NELL1: variants seen among roughly 807,000 people sequenced by gnomAD.
NELL1 encodes the protein protein kinase C-binding protein NELL1.
NELL1 carries 76 observed loss-of-function variants against 107.4 expected under a neutral mutation model. The ratio of observed to expected loss-of-function variants is 0.71; its 90% CI spans 0.59 to 0.86. The LOEUF is 0.86. NELL1 is among the 40% of genes least tolerant of loss of function. The pLI is 0.00. For synonymous variants in NELL1, 353 were observed against 341.2 expected (o/e 1.03, Z -0.38); for missense variants, 1,024 against 1,005.5 (o/e 1.02, Z -0.25).
intron 12 of NELL1, among the ~76,000 whole-genome samples, chr11:21,084,141 A>G (rs953865784): frequency 3.9e-5 from 6 of 152,132 alleles, no homozygotes; most frequent in South Asian, 2.1e-4. Flanking sequence ...TAAGTAAGAG[A>G]TGCTTTGTTT....
chr11:20,962,398 C>T (rs1198986309), intron 12 of NELL1, among the ~76,000 whole-genome samples: 2 of 152,096 alleles, frequency 1.3e-5, no homozygotes, highest in Non-Finnish European at 1.5e-5. Context: ...CAGGGATAGA[C>T]GTCGAACAAT....
intron 15 of NELL1, among the ~76,000 whole-genome samples, chr11:21,528,254 T>C (rs1488003951): frequency 1.3e-5 from 2 of 152,174 alleles, no homozygotes; most frequent in African/African-American, 4.8e-5. Flanking sequence ...ATGGCATAGG[T>C]AATTGCTGTG....
intron 14 of NELL1, among the ~76,000 whole-genome samples, chr11:21,232,488 G>A (rs1444483258): frequency 1.3e-5 from 2 of 152,146 alleles, no homozygotes; most frequent in Non-Finnish European, 2.9e-5. Context: ...AGAAGAAAGA[G>A]GAGGAGGAGG....
intron 12 of NELL1, among the ~76,000 whole-genome samples, chr11:21,097,321 T>C (rs1230460848): frequency 7.2e-5 from 11 of 152,188 alleles, no homozygotes; most frequent in Admixed American, 7.2e-4. Context: ...GGCAAAAGTT[T>C]AATTCTCTCA....
At chr11:21,411,204 T>C (rs1317023085) in intron 15 of NELL1, among the ~76,000 whole-genome samples, 1 of 152,088 alleles carries the variant, frequency 6.6e-6, no homozygotes, top group African/African-American at 2.4e-5. Context: ...TCTAGTGTAA[T>C]GTCCATCATA....
At chr11:21,147,189 A>G (rs1856000779) in intron 13 of NELL1, among the ~76,000 whole-genome samples, 1 of 152,194 alleles carries the variant, frequency 6.6e-6, no homozygotes, top group African/African-American at 2.4e-5. Flanking sequence ...AATAGCTGTT[A>G]TTTGAAAAAC....
At chr11:21,282,423 T>C (rs974221045) in intron 14 of NELL1, among the ~76,000 whole-genome samples, 1 of 143,636 alleles carries the variant, frequency 7.0e-6, no homozygotes, top group Non-Finnish European at 1.5e-5. Flanking sequence ...GAGGTTGTAG[T>C]GAGCTGACAT....
At chr11:21,130,637 T>C (rs1032899335) in intron 13 of NELL1, among the ~76,000 whole-genome samples, 3 of 152,234 alleles carry the variant, frequency 2.0e-5, no homozygotes, top group African/African-American at 7.2e-5. Flanking sequence ...TCTATGGTAT[T>C]ACATTTTCCC....
intron 11 of NELL1, among the ~76,000 whole-genome samples, chr11:20,958,034 C>G (rs940478826): frequency 6.6e-6 from 1 of 152,170 alleles, no homozygotes; most frequent in African/African-American, 2.4e-5. Flanking sequence ...ATTTCATCAT[C>G]TTTCAGATTC....
At chr11:20,997,936 C>T (rs2134267997) in intron 12 of NELL1, among the ~76,000 whole-genome samples, 1 of 152,242 alleles carries the variant, frequency 6.6e-6, no homozygotes, top group South Asian at 2.1e-4. Flanking sequence ...CACACCATTG[C>T]ATTCCAGCCT....
At chr11:20,763,837 T>G (rs1010715283) in intron 2 of NELL1, among the ~76,000 whole-genome samples, 2 of 152,142 alleles carry the variant, frequency 1.3e-5, no homozygotes, top group African/African-American at 2.4e-5. Flanking sequence ...GGAGGGGGTT[T>G]GTGTGGGGCC....
chr11:20,689,457 C>G (rs996327618), intron 2 of NELL1, among the ~76,000 whole-genome samples: 2 of 120,244 alleles, frequency 1.7e-5, no homozygotes, highest in African/African-American at 3.1e-5. Context: ...CACAACAGTC[C>G]CCAGAGTGTG....
chr11:20,883,150 C>T (rs1336664448), intron 4 of NELL1, among the ~76,000 whole-genome samples: 1 of 152,240 alleles, frequency 6.6e-6, no homozygotes, highest in African/African-American at 2.4e-5. Flanking sequence ...AAGGCAGCAT[C>T]CGGCAGAGCT....
At chr11:21,490,342 T>C (rs951751360) in intron 15 of NELL1, among the ~76,000 whole-genome samples, 13 of 151,702 alleles carry the variant, frequency 8.6e-5, no homozygotes, top group African/African-American at 3.2e-4. Flanking sequence ...AGAATTAATA[T>C]TATTATAATG....
chr11:20,898,859 A>C (rs1222591164), intron 5 of NELL1, among the ~76,000 whole-genome samples: 2 of 152,064 alleles, frequency 1.3e-5, no homozygotes, highest in Non-Finnish European at 2.9e-5. Context: ...AAACTAGGGA[A>C]GTCTCCTAGT....
chr11:20,761,629 C>A (rs2133958131), intron 2 of NELL1, among the ~76,000 whole-genome samples: 1 of 152,290 alleles, frequency 6.6e-6, no homozygotes, highest in South Asian at 2.1e-4. Flanking sequence ...AGATCTAAAT[C>A]TTGACTCAGT....
At chr11:20,676,514 G>C (rs936910403) in intron 1 of NELL1, among the ~76,000 whole-genome samples, 1 of 151,520 alleles carries the variant, frequency 6.6e-6, no homozygotes, top group Non-Finnish European at 1.5e-5. Flanking sequence ...TCAGTTCAGG[G>C]GACAAGGGGA....
intron 12 of NELL1, among the ~76,000 whole-genome samples, chr11:21,110,037 A>G (rs1257458566): frequency 6.6e-6 from 1 of 152,070 alleles, no homozygotes; most frequent in African/African-American, 2.4e-5. Context: ...AATCAGCTGG[A>G]GTACTCCACT....
At chr11:21,007,592 A>G (rs1852356970) in intron 12 of NELL1, among the ~76,000 whole-genome samples, 1 of 149,370 alleles carries the variant, frequency 6.7e-6, no homozygotes, top group Non-Finnish European at 1.5e-5. Flanking sequence ...TCACTCTAAG[A>G]TTTCTTTTTT....
Sources: gnomAD v4.1 joint callset for allele counts (sites outside exome capture counted in the v4.1 genomes callset) on GRCh38, gnomAD v4.1.1 for gene constraint, MANE v1.5 for transcripts, NCBI Gene and HGNC (gene_info 2026-07-23, HGNC 2026-07-21) for gene names.